TTC39A: variants seen among roughly 807,000 people sequenced by gnomAD.
TTC39A encodes the protein tetratricopeptide repeat domain 39A.
TTC39A carries 46 observed loss-of-function variants against 82.3 expected under a neutral mutation model. The ratio of observed to expected loss-of-function variants is 0.56; its 90% CI spans 0.44 to 0.71. The LOEUF is 0.71. Ranked by LOEUF, TTC39A falls within the 30% of genes least tolerant of loss-of-function variation. TTC39A has a pLI of 0.00. For synonymous variants in TTC39A, 254 were observed against 275.2 expected, an observed-to-expected ratio of 0.92 and a Z score of 0.76; for missense variants, 543 against 712.9, an observed-to-expected ratio of 0.76 and a Z score of 2.71.
intron 12 of TTC39A, chr1:51,297,626 A>T (rs1350791211): frequency 6.6e-6 from 1 of 152,302 alleles, no homozygotes; most frequent in Admixed American, 6.5e-5. Context: ...TCACTCTAGG[A>T]TCCTGCTGGC....
At chr1:51,322,449 T>G (rs1023992433) in intron 1 of TTC39A, among the ~76,000 whole-genome samples, 2 of 152,250 alleles carry the variant, frequency 1.3e-5, no homozygotes, top group African/African-American at 4.8e-5. Flanking sequence ...TTACTTATTT[T>G]TGTGTTTATT....
chr1:51,324,177 C>T (rs1216144820), intron 1 of TTC39A, among the ~76,000 whole-genome samples: 2 of 152,052 alleles, frequency 1.3e-5, no homozygotes, highest in African/African-American at 4.8e-5. Flanking sequence ...TCTTTTTTTC[C>T]CACCAGAAAT....
At chr1:51,322,387 T>C in intron 1 of TTC39A, 1 of 998,142 alleles carries the variant, frequency 1.0e-6, no homozygotes, top group Non-Finnish European at 1.3e-6. Flanking sequence ...CTGAGCCCTT[T>C]CCAGTCCTTA....
chr1:51,313,332 C>A (rs755743312), intron 2 of TTC39A, among the ~76,000 whole-genome samples: 3 of 152,128 alleles, frequency 2.0e-5, no homozygotes, highest in Non-Finnish European at 4.4e-5. Context: ...CAGGCTGAGC[C>A]CAAGTCCTGT....
rs1418936977 is a variant in TTC39A, at chr1:51,295,263, G to C, written c.1146-752C>G. Reference sequence around the variant, plus strand: ...TAGGCTTTCTGGAAGAGTCATCTGAGAGGGGGACATGGAGTCTGCTGTAGT... The same window carrying C: ...TAGGCTTTCTGGAAGAGTCATCTGACAGGGGGACATGGAGTCTGCTGTAGT... On this transcript the variant is annotated intron_variant, in intron 13 of 17. Coordinates refer to ENST00000680483, the MANE Select transcript of TTC39A (RefSeq NM_001297663.2). Among the ~76,000 whole-genome samples, 6 of 152,228 alleles carry C rather than the reference G, an allele frequency of 3.9e-5. 1 individual carries two copies.
chr1:51,294,526 G>C lies in TTC39A; in HGVS notation c.1146-15C>G, dbSNP rs201653795. ...CTGGCACAGCTCTGCGAAAGAGATG[G>C]GGAGGGTGGGAGAGGATGAAAAAGA... is the stretch of plus-strand genomic sequence containing the variant. On this transcript the variant is annotated splice_polypyrimidine_tract_variant and intron_variant, in intron 13 of 17. Coordinates refer to ENST00000680483, the MANE Select transcript of TTC39A (RefSeq NM_001297663.2). The surrounding 1 kb of genome is among the most constrained non-coding windows in gnomAD (Gnocchi z 4.3). The C allele has an allele frequency of 1.7e-5, 27 of 1,613,668 alleles. No homozygotes were observed. Among genetic ancestry groups the C allele is most frequent in the Non-Finnish European group, 2.3e-5 (27 of 1,179,822 alleles).
chr1:51,295,932 AGGGGGGGCAGTCCGCGGGTGGGGGCAGG>A (rs1343341115), intron 13 of TTC39A, 119 bp downstream of exon 13: 7 of 755,402 alleles, frequency 9.3e-6, no homozygotes, highest in Non-Finnish European at 1.5e-5. Context: ...GAGGACACGC[AGGGGGGGCAGTCCGCGGGTGGGGGCAGG>A]GAGCCACCCT....
intron 1 of TTC39A, among the ~76,000 whole-genome samples, chr1:51,344,319 G>T (rs1307107678): frequency 6.6e-6 from 1 of 152,172 alleles, no homozygotes. Context: ...AACCTCAGAA[G>T]ATGTAAATAT....
At chr1:51,329,940 C>T in intron 1 of TTC39A, 1 of 177,322 alleles carries the variant, frequency 5.6e-6, no homozygotes, top group African/African-American at 2.4e-5. Context: ...CTGGCCCATA[C>T]CTTAGCTGTT....
chr1:51,344,340 C>T (rs1646071727), intron 1 of TTC39A, among the ~76,000 whole-genome samples: 1 of 152,164 alleles, frequency 6.6e-6, no homozygotes. Flanking sequence ...GCGGGGAGGG[C>T]TGAACCTCAG....
At chr1:51,338,436 A>C (rs1232753782) in intron 1 of TTC39A, among the ~76,000 whole-genome samples, 2 of 151,894 alleles carry the variant, frequency 1.3e-5, no homozygotes, top group African/African-American at 4.8e-5. Context: ...TGCATTACAG[A>C]TCACAGAGAA....
At chr1:51,336,173 A>G (rs560351893), upstream of TTC39A, among the ~76,000 whole-genome samples, 1 of 152,292 alleles carries the variant, frequency 6.6e-6, no homozygotes, top group Non-Finnish European at 1.5e-5. Flanking sequence ...GTTTGGGCTC[A>G]TTAATAATTC....
rs1645864944 is a variant in TTC39A at position 51,330,366 on chromosome 1, C to G, written c.41+71G>C. 1 of 942,304 alleles carries G rather than the reference C, an allele frequency of 1.1e-6. No individual in the cohort carries two copies. Among genetic ancestry groups the G allele is most frequent in the Admixed American group, 6.3e-5 (1 of 15,778 alleles). 58.4% of individuals were successfully genotyped at this position (942,304 alleles called of 1,614,324 possible). ...CCGGTGCGCGGGGGGAGGCCTGGCG[C>G]GGCGCCCGCCACCTGCCCGGGCCCC... On this transcript the variant is annotated intron_variant, in intron 1 of 17. Transcript: ENST00000680483. This position sits in a 1 kb window ranked among gnomAD's most constrained non-coding sequence, Gnocchi z 4.5.
At chr1:51,320,391 CTTTTCTT>C in intron 2 of TTC39A, among the ~76,000 whole-genome samples, 1 of 142,584 alleles carries the variant, frequency 7.0e-6, no homozygotes, top group South Asian at 2.3e-4. Context: ...TCTTTCTTTT[CTTTTCTT>C]TTTTTCTTTT....
chr1:51,306,891 G>A (rs1157318113), intron 6 of TTC39A, among the ~76,000 whole-genome samples: 2 of 124,034 alleles, frequency 1.6e-5, no homozygotes, highest in Non-Finnish European at 3.1e-5. Flanking sequence ...CACTATGAGG[G>A]TGATGACAGG....
intron 11 of TTC39A, chr1:51,302,069 C>G (rs758545611): frequency 1.4e-6 from 1 of 716,376 alleles, no homozygotes; most frequent in East Asian, 2.7e-5. Context: ...GCTTTCCTAA[C>G]CTCTGCCTCC....
At chr1:51,326,662 C>T (rs534988534) in intron 1 of TTC39A, among the ~76,000 whole-genome samples, 9 of 152,188 alleles carry the variant, frequency 5.9e-5, no homozygotes, top group South Asian at 2.1e-4. Context: ...AAGACAGGAA[C>T]GCAGTCAGGC....
At chr1:51,330,645 C>T (rs1645882808), upstream of TTC39A, 8 of 982,882 alleles carry the variant, frequency 8.1e-6, no homozygotes, top group Non-Finnish European at 9.7e-6. This position sits in a 1 kb window ranked among gnomAD's most constrained non-coding sequence, Gnocchi z 4.5. Flanking sequence ...GGTCTCCCCA[C>T]CCGCACCGTA....
At position 51,287,953 on chromosome 1, in the gene TTC39A, T is replaced by A. The variant is rs151320037; in HGVS notation, c.*204A>T. On this transcript the variant is annotated 3_prime_UTR_variant, in exon 18 of 18. Transcript: ENST00000680483. ...GATAGGGCAGGCAGAGGGCTCCACC[T>A]GCTCTGCCCTTGGCAAAGGCCCTTG... The A allele has an allele frequency of 1.3e-3, 895 of 704,556 alleles. 4 individuals are homozygous for A. The African/African-American group carries it at 0.014, about 11-fold the overall frequency. The allele number at this position is 704,556 out of a possible 1,614,324, so 43.6% of individuals were successfully genotyped here. A position where few individuals can be genotyped will look rare whatever the true frequency, so the allele number is the denominator to read the frequency against.
Sources: gnomAD v4.1 joint callset for allele counts (sites outside exome capture counted in the v4.1 genomes callset) on GRCh38, gnomAD v4.1.1 for gene constraint, Gnocchi (gnomAD v3.1) non-coding constraint, MANE v1.5 for transcripts, NCBI Gene and HGNC (gene_info 2026-07-23, HGNC 2026-07-21) for gene names.